Variants in MARCHF7 observed in about 807,000 individuals in gnomAD.
MARCHF7 encodes the protein E3 ubiquitin-protein ligase MARCHF7.
MARCHF7 carries 20 observed loss-of-function variants against 76.5 expected under a neutral mutation model. That is an observed-to-expected ratio of 0.26 (90% confidence interval 0.18 to 0.38). MARCHF7 has a LOEUF of 0.38. Among genes scored for constraint, MARCHF7 ranks in the 10% least tolerant of loss-of-function variants. The pLI is 1.00. For synonymous variants in MARCHF7, 295 were observed against 293.0 expected, an observed-to-expected ratio of 1.01 and a Z score of -0.07; for missense variants, 797 against 812.9, an observed-to-expected ratio of 0.98 and a Z score of 0.24.
rs145527165 is a variant in MARCHF7, at chr2:159,769,981, C to A, written c.*2639C>A. On this transcript the variant is annotated 3_prime_UTR_variant, in exon 12 of 12. Transcript: ENST00000409175. ...TAAACTAAATTTACTTAAATAGCCT[C>A]ATGTGGCTAGTGGCTCATTGGACAT... 1 of 152,178 alleles carries A rather than the reference C, an allele frequency of 6.6e-6. No homozygotes were observed. The highest frequency in any genetic ancestry group is 1.5e-5 in the Non-Finnish European group (1 of 68,036). The allele number at this position is 152,178 out of a possible 1,614,324, so 9.4% of individuals were successfully genotyped here.
intron 10 of MARCHF7, among the ~76,000 whole-genome samples, chr2:159,764,179 A>G (rs1707437847): frequency 6.6e-6 from 1 of 150,550 alleles, no homozygotes; most frequent in Non-Finnish European, 1.5e-5. Flanking sequence ...CTTTTATCAA[A>G]TTTAGGTAGG....
intron 10 of MARCHF7, among the ~76,000 whole-genome samples, chr2:159,763,404 T>A (rs983357114): frequency 3.3e-5 from 5 of 152,208 alleles, no homozygotes; most frequent in African/African-American, 9.6e-5. Flanking sequence ...TACAAAAGAT[T>A]ACCAGTGTAC....
At chr2:159,743,635 A>G (rs1704413982) in intron 5 of MARCHF7, among the ~76,000 whole-genome samples, 1 of 152,144 alleles carries the variant, frequency 6.6e-6, no homozygotes, top group Non-Finnish European at 1.5e-5. Flanking sequence ...ATTGTAGTAC[A>G]TAATATTTAT....
intron 4 of MARCHF7, chr2:159,733,486 C>A: frequency 1.0e-6 from 1 of 965,418 alleles, no homozygotes; most frequent in Non-Finnish European, 1.2e-6. Context: ...AGTCTTCCTG[C>A]CTCACCCTCC....
At position 159,743,159 on chromosome 2, in the gene MARCHF7, A is replaced by G. The variant is rs755455897; in HGVS notation, c.252A>G (p.Gln84=). Residue 84 remains glutamine, a synonymous_variant, in exon 5 of 12, where the codon CAA becomes CAG. Coordinates refer to ENST00000409175, the MANE Select transcript of MARCHF7 (RefSeq NM_001282805.2). ...QGARSRSQNQ[Q]RDHDSKRPKL... ...CACGCTCAAGATCGCAGAACCAGCA[A>G]CGGGATCATGATTCAAAAAGACCTA... 6 of 1,614,092 alleles carry G rather than the reference A, an allele frequency of 3.7e-6. No individual in the cohort carries two copies. The South Asian group carries it at 4.4e-5, about 12-fold the overall frequency.
At chr2:159,762,446 C>G (rs1193452530) in intron 9 of MARCHF7, among the ~76,000 whole-genome samples, 1 of 152,116 alleles carries the variant, frequency 6.6e-6, no homozygotes, top group African/African-American at 2.4e-5. Context: ...TTTATTTATG[C>G]CTTTATGTTC....
chr2:159,749,745 GC>G (rs11354601), intron 7 of MARCHF7, among the ~76,000 whole-genome samples: 51,910 of 151,356 alleles, frequency 0.34, 9,045 homozygotes, highest in South Asian at 0.44. Flanking sequence ...GGCGGGGGGG[GC>G]GGTTGTGAAT....
chr2:159,752,332 AT>A, intron 7 of MARCHF7, 69 bp from the exon 8 acceptor site: 1 of 1,372,994 alleles, frequency 7.3e-7, no homozygotes, highest in Non-Finnish European at 9.6e-7. Flanking sequence ...AAAGCTTGTG[AT>A]TATGTATGAC....
intron 4 of MARCHF7, among the ~76,000 whole-genome samples, chr2:159,729,378 T>C (rs145679792): frequency 6.6e-6 from 1 of 152,220 alleles, no homozygotes; most frequent in African/African-American, 2.4e-5. Context: ...TCATATAAAA[T>C]CATACTTTTG....
intron 3 of MARCHF7, among the ~76,000 whole-genome samples, chr2:159,719,653 C>T (rs10445746): frequency 0.03 from 4,511 of 152,106 alleles, 88 homozygotes; most frequent in East Asian, 0.088. Context: ...TTCAATTTTA[C>T]CTAGTCTATT....
chr2:159,736,267 C>G (rs1703443855), intron 4 of MARCHF7, among the ~76,000 whole-genome samples: 2 of 152,218 alleles, frequency 1.3e-5, no homozygotes, highest in African/African-American at 4.8e-5. Context: ...TCTCCACATT[C>G]TCATCAGCAC....
At chr2:159,720,613 G>A (rs572145625) in intron 3 of MARCHF7, among the ~76,000 whole-genome samples, 2 of 151,952 alleles carry the variant, frequency 1.3e-5, no homozygotes, top group South Asian at 4.1e-4. Flanking sequence ...TTATTTTGCT[G>A]TATACTTAGT....
chr2:159,746,460 G>A (rs548205191), intron 6 of MARCHF7, among the ~76,000 whole-genome samples: 1 of 152,380 alleles, frequency 6.6e-6, no homozygotes, highest in African/African-American at 2.4e-5. Context: ...GGGGTGCAAT[G>A]GCACGACGTC....
At chr2:159,766,013 C>T (rs1284024847) in intron 11 of MARCHF7, among the ~76,000 whole-genome samples, 4 of 152,042 alleles carry the variant, frequency 2.6e-5, no homozygotes, top group South Asian at 2.1e-4. Context: ...CTAACATTCT[C>T]GTTTAAAATT....
chr2:159,764,215 TGTGTG>T (rs1225425035), intron 10 of MARCHF7, among the ~76,000 whole-genome samples: 1 of 28,720 alleles, frequency 3.5e-5, no homozygotes, highest in African/African-American at 9.0e-5. Flanking sequence ...GGGAGTTTTG[TGTGTG>T]TGTGTGTGTG....
chr2:159,726,298 T>C (rs1299194774), intron 3 of MARCHF7, among the ~76,000 whole-genome samples: 1 of 151,998 alleles, frequency 6.6e-6, no homozygotes, highest in Non-Finnish European at 1.5e-5. Context: ...AGTCTCGCTC[T>C]TGCACCCAGG....
chr2:159,757,628 G>A (rs1706495701), intron 8 of MARCHF7, among the ~76,000 whole-genome samples: 1 of 152,232 alleles, frequency 6.6e-6, no homozygotes, highest in South Asian at 2.1e-4. Context: ...AGGCAGCAGA[G>A]TGAGATCTTG....
intron 8 of MARCHF7, among the ~76,000 whole-genome samples, chr2:159,756,917 G>T (rs114388032): frequency 3.0e-4 from 42 of 140,754 alleles, no homozygotes; most frequent in African/African-American, 1.1e-3. Context: ...TTTTTGAGAC[G>T]GAGTCTTGTT....
chr2:159,741,316 A>T (rs1704093548), intron 4 of MARCHF7, among the ~76,000 whole-genome samples: 1 of 152,152 alleles, frequency 6.6e-6, no homozygotes, highest in Non-Finnish European at 1.5e-5. Context: ...GTGCCACTGC[A>T]CTCCAGCCTG....
Sources: gnomAD v4.1 joint callset for allele counts (sites outside exome capture counted in the v4.1 genomes callset) on GRCh38, gnomAD v4.1.1 for gene constraint, MANE v1.5 for transcripts, NCBI Gene and HGNC (gene_info 2026-07-23, HGNC 2026-07-21) for gene names.